Variants in RGS9 observed in about 807,000 individuals in gnomAD.
The protein encoded by RGS9 is regulator of G protein signaling 9.
RGS9 carries 78 observed loss-of-function variants against 102.0 expected under a neutral mutation model. The observed-to-expected ratio is 0.76, with a 90% CI of 0.64 to 0.92. The LOEUF (loss-of-function observed/expected upper bound fraction) is 0.92. Ranked by LOEUF, RGS9 falls within the 40% of genes least tolerant of loss-of-function variation. The pLI is 0.00. For synonymous variants in RGS9, 353 were observed against 318.6 expected, an observed-to-expected ratio of 1.11 and a Z score of -1.15; for missense variants, 833 against 866.1, an observed-to-expected ratio of 0.96 and a Z score of 0.48.
intron 8 of RGS9, among the ~76,000 whole-genome samples, chr17:65,177,068 TCCA>T (rs1911661311): frequency 6.6e-6 from 1 of 150,448 alleles, no homozygotes; most frequent in Non-Finnish European, 1.5e-5. Flanking sequence ...CATCCATCCA[TCCA>T]TCCATCCATC....
chr17:65,166,058 T>C (rs1407480209), intron 7 of RGS9, among the ~76,000 whole-genome samples: 1 of 152,186 alleles, frequency 6.6e-6, no homozygotes, highest in African/African-American at 2.4e-5. Context: ...GTAGCCTCTC[T>C]GTGTGGTCTA....
chr17:65,160,878 A>G lies in RGS9; in HGVS notation c.392A>G (p.Lys131Arg), dbSNP rs1399438731. ...ATCTATCTGGCCAAGCGAAATATCAAAAAGAAAGGGATTTTGGAAGAATAT... is the reference window on the plus strand; with the variant it reads ...ATCTATCTGGCCAAGCGAAATATCAGAAAGAAAGGGATTTTGGAAGAATAT... ...YAIYLAKRNIKKKGILEEYEK... is the reference protein window; with the variant it reads ...YAIYLAKRNIRKKGILEEYEK... The change falls in exon 6 of 19, where the codon AAA (lysine) becomes AGA (arginine). Residue 131 changes from lysine (K) to arginine (R), a missense_variant. Lys to Arg is a conservative substitution (Grantham distance 26). Coordinates refer to ENST00000262406, the MANE Select transcript of RGS9 (RefSeq NM_003835.4). The G allele has an allele frequency of 6.2e-7, 1 of 1,614,052 alleles. No individual in the cohort carries two copies. The highest frequency in any genetic ancestry group is 8.5e-7 in the Non-Finnish European group (1 of 1,179,872).
intron 1 of RGS9, among the ~76,000 whole-genome samples, chr17:65,142,157 T>C (rs1457002321): frequency 6.6e-6 from 1 of 152,110 alleles, no homozygotes; most frequent in Non-Finnish European, 1.5e-5. Context: ...GGCAGGAGAA[T>C]TGCTTGAACC....
chr17:65,174,256 G>A (rs550709951), intron 8 of RGS9, among the ~76,000 whole-genome samples: 1 of 152,202 alleles, frequency 6.6e-6, no homozygotes, highest in South Asian at 2.1e-4. Context: ...ACTAGATAAC[G>A]AATTCAAGAC....
At position 65,160,535 on chromosome 17, in the gene RGS9, G is replaced by A; in HGVS notation, c.313-1G>A. ...CGTGGTTTCCCTGGTTTCTTTTGCA[G>A]ACACCGTATTTCTGGCCCACCCAGC... On this transcript the variant is annotated splice_acceptor_variant, in intron 4 of 18. Transcript: ENST00000262406. LOFTEE classifies it high-confidence loss of function. 6.2e-7 allele frequency: 1 copy of A among 1,614,206 alleles called. No individual in the cohort carries two copies. The highest frequency in any genetic ancestry group is 2.2e-5 in the East Asian group (1 of 44,890).
chr17:65,152,098 G>A (rs1181667353), intron 1 of RGS9, among the ~76,000 whole-genome samples: 1 of 152,188 alleles, frequency 6.6e-6, no homozygotes, highest in Non-Finnish European at 1.5e-5. Flanking sequence ...GAGTGCCAAG[G>A]GTGGAGTTCA....
At chr17:65,197,826 C>G (rs910062525) in intron 13 of RGS9, among the ~76,000 whole-genome samples, 3 of 152,020 alleles carry the variant, frequency 2.0e-5, no homozygotes, top group African/African-American at 7.2e-5. Flanking sequence ...CCTGTCACCA[C>G]ACCTGGCTAT....
intron 8 of RGS9, among the ~76,000 whole-genome samples, chr17:65,171,101 C>T (rs138704629): frequency 0.012 from 1,818 of 152,274 alleles, 18 homozygotes; most frequent in Non-Finnish European, 0.019. Context: ...GCGGCCACTC[C>T]GTGTCAGACT....
chr17:65,160,423 A>G, intron 4 of RGS9, 84 bp downstream of exon 4: 1 of 1,559,148 alleles, frequency 6.4e-7, no homozygotes, highest in South Asian at 1.1e-5. Context: ...CAGATCAAGG[A>G]CTTCAGAAAT....
chr17:65,155,121 A>G (rs1315633669), intron 2 of RGS9, among the ~76,000 whole-genome samples: 1 of 152,226 alleles, frequency 6.6e-6, no homozygotes, highest in Non-Finnish European at 1.5e-5. Flanking sequence ...CTGACAAGCC[A>G]GACTTTGGAA....
rs1284975747 is a variant in RGS9, at chr17:65,225,437, G to T, written c.1843G>T (p.Gly615Trp). Residue 615 changes from glycine (G) to tryptophan (W), a missense_variant, in exon 18 of 19, where the codon GGG becomes TGG. By Grantham distance (184) the Gly-to-Trp change is radical. This residue lies in a region of RGS9 where 320 missense variants were observed against 276.8 expected (regional missense o/e 1.16). Coordinates refer to ENST00000262406, the MANE Select transcript of RGS9 (RefSeq NM_003835.4). ...AVSHGRVQPL[G>W]DVGQQLPRLK... ...GTCCCACGGGAGGGTGCAGCCCCTG[G>T]GGGACGTGGGCCAGCAGCTGCCACG... is the stretch of plus-strand genomic sequence containing the variant. 1 of 1,608,226 alleles carries T rather than the reference G, an allele frequency of 6.2e-7. No individual in the cohort carries two copies. The highest frequency in any genetic ancestry group is 1.3e-5 in the African/African-American group (1 of 75,068).
chr17:65,137,379 C>T lies in RGS9; in HGVS notation c.-162C>T, dbSNP rs1198098496. The T allele has an allele frequency of 2.9e-6, 2 of 679,618 alleles. No homozygotes were observed. The highest frequency in any genetic ancestry group is 3.6e-5 in the African/African-American group (2 of 55,844). The allele number at this position is 679,618 out of a possible 1,614,324, so 42.1% of individuals were successfully genotyped here. On this transcript the variant is annotated 5_prime_UTR_variant, in exon 1 of 19. Transcript: ENST00000262406. The stretch of plus-strand genomic sequence containing the variant: ...TTCCAGCTGCTTTCCAAGTCAGCGG[C>T]GCCTAGTGAGAGTCAGGGGGGCCCG...
At position 65,225,251 on chromosome 17, in the gene RGS9, G is replaced by T; in HGVS notation, c.1657G>T (p.Val553Phe). Reference protein sequence around the residue: ...SGSMAPRGPSVTESSEASLDT... With the variant: ...SGSMAPRGPSFTESSEASLDT... ...GTCCATGGCCCCCCGTGGGCCCTCT[G>T]TCACCGAGAGCAGCGAGGCCTCCCT... Residue 553 changes from valine (V) to phenylalanine (F), a missense_variant, in exon 18 of 19, where the codon GTC becomes TTC. Val to Phe is a conservative substitution (Grantham distance 50). This residue lies in a region of RGS9 where 320 missense variants were observed against 276.8 expected (regional missense o/e 1.16). Transcript: ENST00000262406. The T allele has an allele frequency of 6.2e-7, 1 of 1,609,544 alleles. No individual in the cohort carries two copies.
chr17:65,205,214 T>C (rs1008195431), intron 15 of RGS9, among the ~76,000 whole-genome samples: 2 of 152,244 alleles, frequency 1.3e-5, no homozygotes, highest in African/African-American at 4.8e-5. Context: ...CTAGTTTGAT[T>C]CTTCTTTGGT....
At position 65,187,165 on chromosome 17, in the gene RGS9, C is replaced by T. The variant is rs146994659; in HGVS notation, c.655-2121C>T. ...TAGAAAATGTCCCCATTCTTCTAGG[C>T]CCCCAAGCATGCTGAAGTCATCATT... On this transcript the variant is annotated intron_variant, in intron 9 of 18. Transcript: ENST00000262406. 2.9e-3 allele frequency among the ~76,000 whole-genome samples: 437 copies of T among 152,224 alleles called. 1 individual carries two copies. Among genetic ancestry groups the T allele is most frequent in the South Asian group, 5.2e-3 (25 of 4,820 alleles).
intron 13 of RGS9, among the ~76,000 whole-genome samples, chr17:65,199,764 G>A (rs557439756): frequency 6.6e-6 from 1 of 152,250 alleles, no homozygotes; most frequent in East Asian, 1.9e-4. Flanking sequence ...AAAGTGCTGG[G>A]ATTACAGGCG....
chr17:65,145,933 T>G (rs1263609437), intron 1 of RGS9, among the ~76,000 whole-genome samples: 1 of 152,162 alleles, frequency 6.6e-6, no homozygotes, highest in Non-Finnish European at 1.5e-5. Context: ...GAGGTCCACG[T>G]GACGTTCCCT....
intron 17 of RGS9, among the ~76,000 whole-genome samples, chr17:65,215,489 G>GTTCTTTCA (rs1453846214): frequency 6.9e-5 from 8 of 116,128 alleles, no homozygotes; most frequent in Admixed American, 4.3e-4. Context: ...TCTTTCTTTC[G>GTTCTTTCA]TTCTTTCGTT....
rs574627818 is a variant in RGS9 at position 65,195,493 on chromosome 17, A to T, written c.861-1633A>T. 7.9e-3 allele frequency among the ~76,000 whole-genome samples: 1,196 copies of T among 152,192 alleles called. 8 individuals carry two copies. The highest frequency in any genetic ancestry group is 0.014 in the Middle Eastern group (4 of 294). On this transcript the variant is annotated intron_variant, in intron 12 of 18. Transcript: ENST00000262406. ...TGTATTTGTAAGTATATGTATATAT[A>T]TATTTTTATTGGTGCACCTATCAAC...
Sources: allele counts gnomAD v4.1 joint callset (sites outside exome capture counted in the v4.1 genomes callset), GRCh38; gene constraint gnomAD v4.1.1; regional missense constraint gnomAD v4.1.1; transcripts MANE v1.5; gene names NCBI Gene and HGNC (gene_info 2026-07-23, HGNC 2026-07-21).